Variants in CDH4 observed in about 807,000 individuals in gnomAD.
CDH4 encodes the protein cadherin-4.
A neutral mutation model predicts 86.0 loss-of-function variants in CDH4; 33 were observed. That is an observed-to-expected ratio of 0.38 (90% CI 0.29 to 0.51). CDH4 has a LOEUF of 0.51. Ranked by LOEUF, CDH4 falls within the 20% of genes least tolerant of loss-of-function variation. The pLI is 0.86. For missense variants in CDH4, 1,114 were observed against 1,307.4 expected, an observed-to-expected ratio of 0.85 and a Z score of 2.28; for synonymous variants, 555 against 549.4, an observed-to-expected ratio of 1.01 and a Z score of -0.14.
At chr20:61,933,147 C>A in intron 14 of CDH4, 23 bp downstream of exon 14, 1 of 1,607,804 alleles carries the variant, frequency 6.2e-7, no homozygotes, top group Non-Finnish European at 8.5e-7. Context: ...CCCGCCCCCG[C>A]CTCCCCACGC....
chr20:61,801,377 C>G (rs1289025456), intron 4 of CDH4, among the ~76,000 whole-genome samples: 1 of 152,156 alleles, frequency 6.6e-6, no homozygotes, highest in Non-Finnish European at 1.5e-5. Context: ...GTGGTTAAAG[C>G]CATGGACCCT....
chr20:61,565,302 T>TA (rs2086279561), intron 2 of CDH4, among the ~76,000 whole-genome samples: 1 of 67,198 alleles, frequency 1.5e-5, no homozygotes, highest in African/African-American at 6.8e-5. Context: ...GTGGTGGCGG[T>TA]GCTCTTGGTG....
At chr20:61,349,202 A>G (rs6124086) in intron 2 of CDH4, among the ~76,000 whole-genome samples, 28,858 of 152,034 alleles carry the variant, frequency 0.19, 2,775 homozygotes, top group Middle Eastern at 0.34. Context: ...GGTCATCAGG[A>G]ACAGACAGCG....
intron 2 of CDH4, among the ~76,000 whole-genome samples, chr20:61,671,663 AATGG>A (rs2087389068): frequency 1.7e-5 from 2 of 116,460 alleles, no homozygotes; most frequent in South Asian, 3.7e-4. Context: ...ATGGATGGAT[AATGG>A]ATGGATGGTG....
intron 2 of CDH4, among the ~76,000 whole-genome samples, chr20:61,387,401 C>T (rs1280935580): frequency 2.0e-5 from 3 of 149,964 alleles, no homozygotes; most frequent in Non-Finnish European, 1.5e-5. Flanking sequence ...TACATATACA[C>T]AGCTACACAA....
chr20:61,824,185 A>T (rs1017297955), intron 4 of CDH4, among the ~76,000 whole-genome samples: 1 of 151,972 alleles, frequency 6.6e-6, no homozygotes, highest in African/African-American at 2.4e-5. Context: ...CCCCTCCTAC[A>T]CTGTCCTCAG....
At chr20:61,264,439 C>T (rs796253109) in intron 2 of CDH4, among the ~76,000 whole-genome samples, 1 of 150,452 alleles carries the variant, frequency 6.6e-6, no homozygotes, top group African/African-American at 2.5e-5. Flanking sequence ...CCCAGTGGCT[C>T]CTTCATTCAG....
At chr20:61,407,628 T>A (rs1003799537) in intron 2 of CDH4, among the ~76,000 whole-genome samples, 2 of 152,140 alleles carry the variant, frequency 1.3e-5, no homozygotes, top group Non-Finnish European at 2.9e-5. Flanking sequence ...CCCAGAGAAA[T>A]GAATGAGTCT....
At chr20:61,787,802 C>T (rs984876363) in intron 4 of CDH4, among the ~76,000 whole-genome samples, 1 of 152,102 alleles carries the variant, frequency 6.6e-6, no homozygotes. Context: ...ATGGGGATAT[C>T]GAGGGGATGA....
rs549647618 is a variant in CDH4, at chr20:61,446,822, T to C, written c.169+191885T>C. ...TTGGGGTGGAGAGTGTGTACAATTA[T>C]ATATATACCTTAATAAATATATTCA... On this transcript the variant is annotated intron_variant, in intron 2 of 15. Coordinates refer to ENST00000614565, the MANE Select transcript of CDH4 (RefSeq NM_001794.5). Among the ~76,000 whole-genome samples, 48 of 152,298 alleles carry C rather than the reference T, an allele frequency of 3.2e-4. 1 individual carries two copies. In the South Asian group the frequency reaches 4.4e-3, roughly 14 times the overall value.
At chr20:61,935,485 C>T (rs754617818) in intron 15 of CDH4, among the ~76,000 whole-genome samples, 9 of 152,228 alleles carry the variant, frequency 5.9e-5, no homozygotes, top group South Asian at 2.1e-4. Flanking sequence ...TAGCCAGGCG[C>T]GGTGGCTCAG....
chr20:61,594,056 GGGTA>G (rs2086536761), intron 2 of CDH4, among the ~76,000 whole-genome samples: 1 of 106,038 alleles, frequency 9.4e-6, no homozygotes. Context: ...GCGGGGAAGA[GGGTA>G]GGGGGAAGGG....
At chr20:61,913,967 G>T (rs1389127882) in intron 9 of CDH4, among the ~76,000 whole-genome samples, 1 of 152,086 alleles carries the variant, frequency 6.6e-6, no homozygotes, top group Non-Finnish European at 1.5e-5. Context: ...TCCTTGTCAG[G>T]CCTCTGTCTA....
In CDH4 at chr20:61,902,022, G is replaced by A. The variant is rs931740713; in HGVS notation, c.1188+6975G>A. On this transcript the variant is annotated intron_variant, in intron 8 of 15. Transcript: ENST00000614565. This position sits in a 1 kb window ranked among gnomAD's most constrained non-coding sequence, Gnocchi z 4.6. ...TGTGGGAGGGACAGACAAAAATTAAGTACAGCAGCAAATCACCAAGATGCA... is the reference window on the plus strand; with the variant it reads ...TGTGGGAGGGACAGACAAAAATTAAATACAGCAGCAAATCACCAAGATGCA... Among the ~76,000 whole-genome samples the A allele has an allele frequency of 6.6e-6, 1 of 152,232 alleles. No homozygotes were observed. The highest frequency in any genetic ancestry group is 2.4e-5 in the African/African-American group (1 of 41,466).
chr20:61,879,654 A>G lies in CDH4; in HGVS notation c.1050+5754A>G, dbSNP rs1263608263. ...CGAAGATGCCCCACTTGCTAATCCT[A>G]TTCATCTGGCGTTGTTTCCTAATTA... is the stretch of plus-strand genomic sequence containing the variant. On this transcript the variant is annotated intron_variant, in intron 7 of 15. Transcript: ENST00000614565. The surrounding 1 kb of genome is among the most constrained non-coding windows in gnomAD (Gnocchi z 4.1). Among the ~76,000 whole-genome samples the G allele has an allele frequency of 6.6e-6, 1 of 152,102 alleles. No individual in the cohort carries two copies. Among genetic ancestry groups the G allele is most frequent in the Non-Finnish European group, 1.5e-5 (1 of 68,012 alleles).
intron 2 of CDH4, among the ~76,000 whole-genome samples, chr20:61,305,295 A>C (rs1450049896): frequency 3.9e-5 from 6 of 152,080 alleles, no homozygotes; most frequent in Non-Finnish European, 8.8e-5. Flanking sequence ...TTCGAGATGC[A>C]GGGCCAGTGC....
intron 2 of CDH4, among the ~76,000 whole-genome samples, chr20:61,728,541 C>T (rs1600920551): frequency 6.6e-6 from 1 of 152,120 alleles, no homozygotes; most frequent in East Asian, 1.9e-4. Context: ...AGCACTGGCC[C>T]ACCATGCCCC....
chr20:61,795,105 A>ATAATGGTGATGATGGAAATGG (rs1979461674), intron 4 of CDH4, among the ~76,000 whole-genome samples: 1 of 432 alleles, frequency 2.3e-3, no homozygotes, highest in Non-Finnish European at 6.8e-3. Flanking sequence ...AATGATGGTG[A>ATAATGGTGATGATGGAAATGG]TGATGGTGGT....
At chr20:61,468,354 A>G (rs2085484785) in intron 2 of CDH4, among the ~76,000 whole-genome samples, 1 of 88,688 alleles carries the variant, frequency 1.1e-5, no homozygotes, top group African/African-American at 6.4e-5. Context: ...TCTTTGGGTA[A>G]GGTTAAATTC....
Sources: allele counts gnomAD v4.1 joint callset (sites outside exome capture counted in the v4.1 genomes callset), GRCh38; gene constraint gnomAD v4.1.1; non-coding constraint Gnocchi (gnomAD v3.1); transcripts MANE v1.5; gene names NCBI Gene and HGNC (gene_info 2026-07-23, HGNC 2026-07-21).